GJC1: variants seen among roughly 807,000 people sequenced by gnomAD.
GJC1 encodes the protein gap junction gamma-1 protein.
GJC1 carries 5 observed loss-of-function variants against 29.3 expected under a neutral mutation model. That is an observed-to-expected ratio of 0.17 (90% confidence interval 0.09 to 0.36). The LOEUF (loss-of-function observed/expected upper bound fraction) is 0.36, where lower values mean the gene tolerates loss of function less well. Among genes scored for constraint, GJC1 ranks in the 10% least tolerant of loss-of-function variants. GJC1 has a pLI of 1.00. For synonymous variants in GJC1, 177 were observed against 183.3 expected, an observed-to-expected ratio of 0.97 and a Z score of 0.28; for missense variants, 310 against 496.2, an observed-to-expected ratio of 0.62 and a Z score of 3.56.
chr17:44,806,041 A>G (rs2049909400), intron 2 of GJC1, among the ~76,000 whole-genome samples: 1 of 152,178 alleles, frequency 6.6e-6, no homozygotes, highest in South Asian at 2.1e-4. Flanking sequence ...TGGGAGGCCA[A>G]GGCGGGCAGA....
In GJC1 at chr17:44,830,006, C is replaced by G. The variant is rs1388818758; in HGVS notation, c.-97+56G>C. The G allele has an allele frequency of 1.3e-5, 2 of 152,180 alleles. No homozygotes were observed. The highest frequency in any genetic ancestry group is 4.8e-5 in the African/African-American group (2 of 41,430). 9.4% of individuals were successfully genotyped at this position (152,180 alleles called of 1,614,324 possible). ...TCCCCAAGAGTTCTCCCGCCTCCCC[C>G]TGGGACCCCGCCCCTGGCCCGCTTC... On this transcript the variant is annotated intron_variant, in intron 1 of 2. Coordinates refer to ENST00000592524, the MANE Select transcript of GJC1 (RefSeq NM_005497.4). This position sits in a 1 kb window ranked among gnomAD's most constrained non-coding sequence, Gnocchi z 4.3.
chr17:44,813,490 T>C (rs1395550916), intron 1 of GJC1, among the ~76,000 whole-genome samples: 1 of 100,842 alleles, frequency 9.9e-6, no homozygotes, highest in Non-Finnish European at 2.1e-5. Context: ...GTTACTTTTT[T>C]TTTTTTTTTT....
intron 2 of GJC1, among the ~76,000 whole-genome samples, chr17:44,806,606 C>T (rs2049917151): frequency 6.6e-6 from 1 of 151,794 alleles, no homozygotes; most frequent in South Asian, 2.1e-4. Flanking sequence ...CCAGGCTGGT[C>T]TCGAACTCCT....
intron 1 of GJC1, among the ~76,000 whole-genome samples, chr17:44,811,374 A>ACACCCAGC (rs2049978964): frequency 6.9e-6 from 1 of 144,754 alleles, no homozygotes; most frequent in Non-Finnish European, 1.5e-5. Context: ...GAGCCACTGC[A>ACACCCAGC]CCTGGCCTTT....
chr17:44,829,418 G>C (rs760201622), intron 1 of GJC1: 7 of 152,180 alleles, frequency 4.6e-5, no homozygotes, highest in Non-Finnish European at 8.8e-5. Context: ...CAAAGTGGGG[G>C]AAAAGTCATT....
intron 1 of GJC1, among the ~76,000 whole-genome samples, chr17:44,828,817 T>C (rs1472607828): frequency 6.6e-6 from 1 of 152,142 alleles, no homozygotes; most frequent in Non-Finnish European, 1.5e-5. Context: ...TTTGCTCTTT[T>C]ACTCTGAATA....
intron 1 of GJC1, among the ~76,000 whole-genome samples, chr17:44,826,528 TA>T (rs528084857): frequency 0.01 from 1,204 of 117,980 alleles, 3 homozygotes; most frequent in South Asian, 0.016. Flanking sequence ...AGACTCCGTC[TA>T]AAAAAAAAAA....
At chr17:44,828,245 C>T (rs1213442805) in intron 1 of GJC1, among the ~76,000 whole-genome samples, 1 of 152,136 alleles carries the variant, frequency 6.6e-6, no homozygotes, top group Non-Finnish European at 1.5e-5. Flanking sequence ...GGATTAAAGG[C>T]TAAAACTCAA....
At chr17:44,810,327 T>C (rs2049963511) in intron 1 of GJC1, among the ~76,000 whole-genome samples, 2 of 152,210 alleles carry the variant, frequency 1.3e-5, no homozygotes, top group South Asian at 2.1e-4. Context: ...ATTATTGTTA[T>C]GAAAGAATTT....
chr17:44,809,558 G>C (rs541920980), intron 1 of GJC1, among the ~76,000 whole-genome samples: 1 of 150,882 alleles, frequency 6.6e-6, no homozygotes, highest in Non-Finnish European at 1.5e-5. Context: ...CATCCACAAA[G>C]ATAAATGTGT....
upstream of GJC1, chr17:44,830,734 C>A: frequency 2.5e-6 from 1 of 398,698 alleles, no homozygotes; most frequent in Non-Finnish European, 4.4e-6. This position sits in a 1 kb window ranked among gnomAD's most constrained non-coding sequence, Gnocchi z 4.3. Flanking sequence ...AATGTCTCCT[C>A]CCAGGTTCTG....
At chr17:44,828,004 T>C (rs1031508079) in intron 1 of GJC1, among the ~76,000 whole-genome samples, 1 of 152,232 alleles carries the variant, frequency 6.6e-6, no homozygotes, top group Non-Finnish European at 1.5e-5. Context: ...AAGCATTTGT[T>C]AAGAGAACGA....
At chr17:44,823,011 C>T (rs558781927) in intron 1 of GJC1, among the ~76,000 whole-genome samples, 74 of 152,150 alleles carry the variant, frequency 4.9e-4, no homozygotes, top group African/African-American at 1.8e-3. Flanking sequence ...AAATAGAGTC[C>T]AGCTCTAATT....
intron 1 of GJC1, among the ~76,000 whole-genome samples, chr17:44,823,743 G>C (rs1485589664): frequency 6.8e-6 from 1 of 147,878 alleles, no homozygotes; most frequent in East Asian, 2.0e-4. Flanking sequence ...ATGGAGTCTT[G>C]TTCTGTCGCC....
At position 44,805,880 on chromosome 17, in the gene GJC1, T is replaced by A; in HGVS notation, c.-20-43A>T. 1 of 864,018 alleles carries A rather than the reference T, an allele frequency of 1.2e-6. No individual in the cohort carries two copies. 53.5% of individuals were successfully genotyped at this position (864,018 alleles called of 1,614,324 possible). A position where few individuals can be genotyped will look rare whatever the true frequency, so the allele number is the denominator to read the frequency against. On this transcript the variant is annotated intron_variant, in intron 2 of 2. Coordinates refer to ENST00000592524, the MANE Select transcript of GJC1 (RefSeq NM_005497.4). The surrounding 1 kb of genome is among the most constrained non-coding windows in gnomAD (Gnocchi z 5.1). Reference sequence around the variant, plus strand: ...ATACCAAAATAAAATCAACAAATATTAAATCTTAATTTAATTACTAATTAT... The same window carrying A: ...ATACCAAAATAAAATCAACAAATATAAAATCTTAATTTAATTACTAATTAT...
chr17:44,804,846 A>G lies in GJC1; in HGVS notation c.972T>C (p.Tyr324=), dbSNP rs778293476. 1.9e-6 allele frequency: 3 copies of G among 1,614,198 alleles called. No individual in the cohort carries two copies. The highest frequency in any genetic ancestry group is 1.6e-4 in the Middle Eastern group (1 of 6,062). The change falls in exon 3 of 3, where the codon TAT becomes TAC. Residue 324 remains tyrosine (Y), a synonymous_variant. Coordinates refer to ENST00000592524, the MANE Select transcript of GJC1 (RefSeq NM_005497.4). The stretch of plus-strand genomic sequence containing the variant: ...CTGGGAGGTTCTCCTCATGGCTGCC[A>G]TACTGCTGTTCCTGGGCTGTGTTGG... ...NKANTAQEQQ[Y]GSHEENLPAD...
intron 1 of GJC1, among the ~76,000 whole-genome samples, chr17:44,810,606 A>C (rs144717988): frequency 2.0e-5 from 3 of 152,218 alleles, no homozygotes; most frequent in South Asian, 4.1e-4. Flanking sequence ...CTTGACCACA[A>C]AATGTTGAGA....
In GJC1 at chr17:44,799,689, T is replaced by C. The variant is rs2049819050; in HGVS notation, c.*4938A>G. 6.6e-6 allele frequency: 1 copy of C among 152,218 alleles called. No homozygotes were observed. The highest frequency in any genetic ancestry group is 1.5e-5 in the Non-Finnish European group (1 of 68,050). The allele number at this position is 152,218 out of a possible 1,614,324, so 9.4% of individuals were successfully genotyped here. On this transcript the variant is annotated 3_prime_UTR_variant, in exon 3 of 3. Coordinates refer to ENST00000592524, the MANE Select transcript of GJC1 (RefSeq NM_005497.4). ...ATCCCAGCACCTTCGGAGGCTGTGA[T>C]GGGAGGATTGCTTGGGCCCAGGAGT... is the stretch of plus-strand genomic sequence containing the variant.
At chr17:44,824,102 G>A (rs904107317) in intron 1 of GJC1, among the ~76,000 whole-genome samples, 1 of 151,934 alleles carries the variant, frequency 6.6e-6, no homozygotes, top group African/African-American at 2.4e-5. Context: ...CCACCTCCCG[G>A]GTTCAAGCGA....
Sources: allele counts gnomAD v4.1 joint callset (sites outside exome capture counted in the v4.1 genomes callset), GRCh38; gene constraint gnomAD v4.1.1; non-coding constraint Gnocchi (gnomAD v3.1); transcripts MANE v1.5; gene names NCBI Gene and HGNC (gene_info 2026-07-23, HGNC 2026-07-21).